The following ARHGAP44 variants were observed in gnomAD, a reference collection of about 807,000 sequenced individuals.
The protein encoded by ARHGAP44 is rho GTPase-activating protein 44.
ARHGAP44 carries 43 observed loss-of-function variants against 106.8 expected under a neutral mutation model. The ratio of observed to expected loss-of-function variants is 0.40; its 90% CI spans 0.32 to 0.52. The LOEUF is 0.52. ARHGAP44 is among the 20% of genes least tolerant of loss of function. The pLI is 0.48. For synonymous variants in ARHGAP44, 439 were observed against 410.3 expected (o/e 1.07, Z -0.85); for missense variants, 866 against 1,050.5 (o/e 0.82, Z 2.43).
chr17:12,923,893 A>G (rs2038160076), intron 6 of ARHGAP44, among the ~76,000 whole-genome samples: 1 of 152,208 alleles, frequency 6.6e-6, no homozygotes, highest in Non-Finnish European at 1.5e-5. Context: ...ATTGAACAGC[A>G]GGGATCACCA....
rs2039185970 is a variant in ARHGAP44, at chr17:12,958,681, A to G, written c.1343-36A>G. The stretch of plus-strand genomic sequence containing the variant: ...CTGCCCAGGAAGGGTGTGGCAGACC[A>G]AGAGTTCACATGTACCAATTCTTTC... On this transcript the variant is annotated intron_variant, in intron 15 of 20. Coordinates refer to ENST00000379672, the MANE Select transcript of ARHGAP44 (RefSeq NM_014859.6). The surrounding 1 kb of genome is among the most constrained non-coding windows in gnomAD (Gnocchi z 4.1). 5 of 1,603,168 alleles carry G rather than the reference A, an allele frequency of 3.1e-6. No homozygotes were observed. Among genetic ancestry groups the G allele is most frequent in the Non-Finnish European group, 4.3e-6 (5 of 1,171,682 alleles).
intron 1 of ARHGAP44, among the ~76,000 whole-genome samples, chr17:12,881,537 T>A (rs980063387): frequency 4.6e-5 from 7 of 152,178 alleles, no homozygotes; most frequent in African/African-American, 1.4e-4. Context: ...CAGTGACCGA[T>A]GCAAACATTG....
chr17:12,925,100 C>T (rs2038194335), intron 6 of ARHGAP44, among the ~76,000 whole-genome samples: 1 of 152,180 alleles, frequency 6.6e-6, no homozygotes, highest in Admixed American at 6.5e-5. Flanking sequence ...ATACAGGTGT[C>T]TTTTTCTCAC....
intron 1 of ARHGAP44, among the ~76,000 whole-genome samples, chr17:12,860,587 G>GT (rs2036041264): frequency 6.6e-6 from 1 of 152,088 alleles, no homozygotes; most frequent in Non-Finnish European, 1.5e-5. Flanking sequence ...TATATCCAGG[G>GT]TTTTTTCTGG....
chr17:12,944,255 G>A (rs1302585744), intron 10 of ARHGAP44, 59 bp downstream of exon 10: 23 of 1,527,720 alleles, frequency 1.5e-5, no homozygotes, highest in East Asian at 1.4e-4. Flanking sequence ...ACGAGACAGA[G>A]CTTACAGGAT....
At position 12,878,096 on chromosome 17, in the gene ARHGAP44, A is replaced by AT. The variant is rs1235467947; in HGVS notation, c.54-16843dup. Reference sequence around the variant, plus strand: ...TTTTCATATTTTTAGAGATTGGGAAATGACAGGTGAACTAAAATTAAGCCA... The same window carrying AT: ...TTTTCATATTTTTAGAGATTGGGAAATTGACAGGTGAACTAAAATTAAGCCA... On this transcript the variant is annotated intron_variant, in intron 1 of 20. Transcript: ENST00000379672. Among the ~76,000 whole-genome samples, 4 of 152,256 alleles carry AT rather than the reference A, an allele frequency of 2.6e-5. No homozygotes were observed. In the East Asian group the frequency reaches 7.7e-4, roughly 29 times the overall value.
intron 1 of ARHGAP44, among the ~76,000 whole-genome samples, chr17:12,811,173 C>T (rs1286071979): frequency 1.3e-5 from 2 of 151,774 alleles, no homozygotes; most frequent in Admixed American, 6.6e-5. Flanking sequence ...ATTAGCCAGG[C>T]GTGGTGGCGG....
At chr17:12,979,926 G>T in intron 18 of ARHGAP44, 132 bp from the exon 19 acceptor site, 1 of 999,548 alleles carries the variant, frequency 1.0e-6, no homozygotes, top group African/African-American at 1.6e-5. Context: ...TTAGGAAGGG[G>T]CCAAGACAGA....
At position 12,967,364 on chromosome 17, in the gene ARHGAP44, G is replaced by A. The variant is rs567165626; in HGVS notation, c.1524-5938G>A. On this transcript the variant is annotated intron_variant, in intron 16 of 20. Coordinates refer to ENST00000379672, the MANE Select transcript of ARHGAP44 (RefSeq NM_014859.6). ...CCACCTCAGCCTCCCAAATAGCATG[G>A]CCCATAACTTTTAGTGGGCAGATAC... Among the ~76,000 whole-genome samples, 5 of 147,956 alleles carry A rather than the reference G, an allele frequency of 3.4e-5. No homozygotes were observed. In the East Asian group the frequency reaches 1.0e-3, roughly 30 times the overall value.
rs535173270 is a variant in ARHGAP44 at position 12,875,593 on chromosome 17, A to AAAAT, written c.54-19331_54-19328dup. ...GGCAACAGAGCAATACTCTATCTCAAAAATAAATAAATAAATAAAAAGGGG... is the reference window on the plus strand; with the variant it reads ...GGCAACAGAGCAATACTCTATCTCAAAAATAAATAAATAAATAAATAAAAAGGGG... On this transcript the variant is annotated intron_variant, in intron 1 of 20. Transcript: ENST00000379672. 2.7e-5 allele frequency among the ~76,000 whole-genome samples: 4 copies of AAAAT among 150,484 alleles called. No individual in the cohort carries two copies. The South Asian group carries it at 6.3e-4, about 24-fold the overall frequency.
chr17:12,842,102 C>T (rs900421770), intron 1 of ARHGAP44, among the ~76,000 whole-genome samples: 4 of 150,598 alleles, frequency 2.7e-5, no homozygotes, highest in African/African-American at 4.9e-5. Context: ...ACCCCGCTCC[C>T]AAAGATTTGA....
intron 1 of ARHGAP44, among the ~76,000 whole-genome samples, chr17:12,861,653 T>TTTTTTTTTTTTTAA (rs755400921): frequency 5.1e-5 from 3 of 59,174 alleles, no homozygotes; most frequent in South Asian, 5.7e-4. Flanking sequence ...ACTTTTTTTT[T>TTTTTTTTTTTTTAA]TTTTTGAGAT....
At chr17:12,859,598 C>T (rs1027641290) in intron 1 of ARHGAP44, among the ~76,000 whole-genome samples, 2 of 152,180 alleles carry the variant, frequency 1.3e-5, no homozygotes, top group African/African-American at 4.8e-5. Context: ...TTAATATTTC[C>T]TGAGATGTCT....
intron 1 of ARHGAP44, among the ~76,000 whole-genome samples, chr17:12,802,218 C>G (rs1288521775): frequency 6.6e-6 from 1 of 152,166 alleles, no homozygotes; most frequent in Non-Finnish European, 1.5e-5. Flanking sequence ...GCTGGTTCCC[C>G]CATAATCAGT....
chr17:12,808,963 T>G (rs904396015), intron 1 of ARHGAP44, among the ~76,000 whole-genome samples: 6 of 152,256 alleles, frequency 3.9e-5, no homozygotes, highest in Non-Finnish European at 7.3e-5. Flanking sequence ...AGGTTACCTC[T>G]TGAATGCTTT....
chr17:12,931,254 T>C (rs1008770503), intron 7 of ARHGAP44, among the ~76,000 whole-genome samples: 3 of 151,842 alleles, frequency 2.0e-5, no homozygotes, highest in African/African-American at 7.3e-5. Context: ...ATATTTTTAA[T>C]AGAGACAGGG....
At chr17:12,974,334 G>T in intron 18 of ARHGAP44, 24 bp downstream of exon 18, 2 of 1,385,604 alleles carry the variant, frequency 1.4e-6, no homozygotes, top group African/African-American at 1.5e-5. Flanking sequence ...ACTGCCGTCC[G>T]GGCGGGCTGG....
At chr17:12,847,961 C>T (rs1390151070) in intron 1 of ARHGAP44, among the ~76,000 whole-genome samples, 1 of 152,162 alleles carries the variant, frequency 6.6e-6, no homozygotes, top group Non-Finnish European at 1.5e-5. Context: ...TTGCCCCAAC[C>T]CTGTCTTTCT....
At chr17:12,916,634 C>T (rs987445347) in intron 5 of ARHGAP44, among the ~76,000 whole-genome samples, 2 of 152,234 alleles carry the variant, frequency 1.3e-5, no homozygotes, top group Admixed American at 6.5e-5. Context: ...ATCCACCCGC[C>T]TTGGCCTCCC....
Sources: gnomAD v4.1 joint callset for allele counts (sites outside exome capture counted in the v4.1 genomes callset) on GRCh38, gnomAD v4.1.1 for gene constraint, Gnocchi (gnomAD v3.1) non-coding constraint, MANE v1.5 for transcripts, NCBI Gene and HGNC (gene_info 2026-07-23, HGNC 2026-07-21) for gene names.